The following RBFOX1 variants were observed in gnomAD, a reference collection of about 807,000 sequenced individuals.
The protein encoded by RBFOX1 is RNA binding protein fox-1 homolog 1.
A neutral mutation model predicts 57.7 loss-of-function variants in RBFOX1; 8 were observed. The observed-to-expected ratio is 0.14, with a 90% CI of 0.08 to 0.25. The LOEUF (loss-of-function observed/expected upper bound fraction) is 0.25, where lower values mean the gene tolerates loss of function less well. Among genes scored for constraint, RBFOX1 ranks in the 10% least tolerant of loss-of-function variants. The pLI is 1.00. For synonymous variants in RBFOX1, 326 were observed against 222.4 expected (o/e 1.47, Z -4.15); for missense variants, 611 against 548.5 (o/e 1.11, Z -1.14).
chr16:7,487,386 G>A lies in RBFOX1; in HGVS notation c.28-30761G>A, dbSNP rs974316128. Among the ~76,000 whole-genome samples the A allele has an allele frequency of 3.5e-4, 54 of 152,158 alleles. 1 individual carries two copies. Among genetic ancestry groups the A allele is most frequent in the Middle Eastern group, 3.2e-3 (1 of 316 alleles). On this transcript the variant is annotated intron_variant, in intron 4 of 15. Transcript: ENST00000550418. ...TTCATATCAATGTGTTTATGTGTCA[G>A]TGTCCTGTCTCCTGTACTGAAAGGC...
At chr16:7,222,463 C>T (rs1031445442) in intron 4 of RBFOX1, among the ~76,000 whole-genome samples, 13 of 152,112 alleles carry the variant, frequency 8.5e-5, no homozygotes, top group African/African-American at 2.9e-4. Context: ...ATGAATTGTC[C>T]CCCTTGAAAA....
At chr16:6,709,636 T>C (rs2063376543) in intron 3 of RBFOX1, among the ~76,000 whole-genome samples, 1 of 152,166 alleles carries the variant, frequency 6.6e-6, no homozygotes, top group South Asian at 2.1e-4. Flanking sequence ...ATTCGATCTA[T>C]GCTTATTGAT....
intron 4 of RBFOX1, among the ~76,000 whole-genome samples, chr16:7,446,874 G>A (rs1012678078): frequency 3.2e-5 from 4 of 123,196 alleles, no homozygotes; most frequent in African/African-American, 1.2e-4. Context: ...GTGCAGGAGT[G>A]TGATCTCGGC....
At chr16:5,930,817 G>C (rs999285186) in intron 4 of RBFOX1, among the ~76,000 whole-genome samples, 4 of 143,434 alleles carry the variant, frequency 2.8e-5, no homozygotes, top group Non-Finnish European at 6.1e-5. Context: ...TGGGAGGGTG[G>C]ATGGTTGCAT....
chr16:7,374,388 A>T (rs1207471255), intron 4 of RBFOX1, among the ~76,000 whole-genome samples: 1 of 152,198 alleles, frequency 6.6e-6, no homozygotes, highest in Non-Finnish European at 1.5e-5. Context: ...CCCTCAAATG[A>T]ATGTGTTGCT....
At chr16:7,631,433 C>G (rs1206820507) in intron 11 of RBFOX1, among the ~76,000 whole-genome samples, 2 of 152,186 alleles carry the variant, frequency 1.3e-5, no homozygotes, top group East Asian at 1.9e-4. Context: ...ACCCCAATTC[C>G]CAGAGCAGGT....
intron 2 of RBFOX1, among the ~76,000 whole-genome samples, chr16:6,454,652 C>G (rs910431810): frequency 5.3e-5 from 8 of 152,020 alleles, no homozygotes; most frequent in Non-Finnish European, 1.0e-4. Flanking sequence ...TACTTAAAAC[C>G]AGCACTTCAC....
chr16:5,960,108 G>T (rs2059719409), intron 4 of RBFOX1, among the ~76,000 whole-genome samples: 1 of 152,184 alleles, frequency 6.6e-6, no homozygotes, highest in Non-Finnish European at 1.5e-5. Flanking sequence ...GGCCGAGACA[G>T]GAGAATTGCT....
intron 3 of RBFOX1, among the ~76,000 whole-genome samples, chr16:6,699,757 G>A (rs1019256): frequency 0.016 from 2,359 of 152,192 alleles, 52 homozygotes; most frequent in African/African-American, 0.053. Flanking sequence ...TTATGATCAA[G>A]GTGGGATAAT....
At chr16:7,668,903 G>A (rs541630978) in intron 13 of RBFOX1, among the ~76,000 whole-genome samples, 9 of 152,232 alleles carry the variant, frequency 5.9e-5, no homozygotes, top group Admixed American at 2.0e-4. Flanking sequence ...ACTTGGAAGT[G>A]AAGCTATAGA....
At chr16:5,956,179 G>A (rs2059634841) in intron 4 of RBFOX1, among the ~76,000 whole-genome samples, 1 of 152,098 alleles carries the variant, frequency 6.6e-6, no homozygotes, top group Non-Finnish European at 1.5e-5. Context: ...CAGAGGGTGA[G>A]GCACGAGGAT....
chr16:7,351,971 C>T (rs1242020403), intron 4 of RBFOX1, among the ~76,000 whole-genome samples: 2 of 152,096 alleles, frequency 1.3e-5, no homozygotes, highest in Non-Finnish European at 2.9e-5. Flanking sequence ...TTTTTTGGAG[C>T]TGAAAAGGAA....
intron 1 of RBFOX1, among the ~76,000 whole-genome samples, chr16:5,370,937 C>T (rs2065842337): frequency 6.6e-6 from 1 of 152,170 alleles, no homozygotes; most frequent in Non-Finnish European, 1.5e-5. Context: ...CATGTTGAAT[C>T]CCTAACCCGC....
chr16:6,963,881 G>T (rs955587494), intron 3 of RBFOX1, among the ~76,000 whole-genome samples: 5 of 151,926 alleles, frequency 3.3e-5, no homozygotes, highest in African/African-American at 9.7e-5. Flanking sequence ...TGTATTTTTA[G>T]TAGAGATGGG....
chr16:6,224,638 C>G (rs911349534), intron 1 of RBFOX1, among the ~76,000 whole-genome samples: 6 of 152,238 alleles, frequency 3.9e-5, no homozygotes, highest in Admixed American at 6.5e-5. Context: ...TATGTACCAC[C>G]TACTCTAGAA....
chr16:7,234,718 C>T (rs1018006572), intron 4 of RBFOX1, among the ~76,000 whole-genome samples: 42 of 149,600 alleles, frequency 2.8e-4, no homozygotes, highest in Non-Finnish European at 5.6e-4. Flanking sequence ...ATATAAGTTG[C>T]TTTCACCAAA....
At chr16:6,426,814 C>T (rs2093942213) in intron 2 of RBFOX1, among the ~76,000 whole-genome samples, 1 of 152,148 alleles carries the variant, frequency 6.6e-6, no homozygotes, top group South Asian at 2.1e-4. Context: ...TCTGCAAATT[C>T]CTGCCACATG....
chr16:6,736,062 C>T (rs1403648930), intron 3 of RBFOX1, among the ~76,000 whole-genome samples: 2 of 115,616 alleles, frequency 1.7e-5, no homozygotes, highest in Admixed American at 2.0e-4. Flanking sequence ...TTTTTCTGAT[C>T]TATCCAGTAT....
intron 1 of RBFOX1, among the ~76,000 whole-genome samples, chr16:6,231,831 G>GTTTTTT (rs34438828): frequency 3.4e-4 from 42 of 123,580 alleles, no homozygotes; most frequent in African/African-American, 4.3e-4. Flanking sequence ...TAGCTTTCCA[G>GTTTTTT]TTTTTTTTTT....
Sources: gnomAD v4.1 joint callset for allele counts (sites outside exome capture counted in the v4.1 genomes callset) on GRCh38, gnomAD v4.1.1 for gene constraint, MANE v1.5 for transcripts, NCBI Gene and HGNC (gene_info 2026-07-23, HGNC 2026-07-21) for gene names.